The following GALNT17 variants were observed in gnomAD, a reference collection of about 807,000 sequenced individuals.
GALNT17 encodes UDP-GalNAc:polypeptide N-acetylgalactosaminyltransferase-like 3.
GALNT17 carries 29 observed loss-of-function variants against 63.7 expected under a neutral mutation model. The ratio of observed to expected loss-of-function variants is 0.46; its 90% CI spans 0.34 to 0.62. The LOEUF (loss-of-function observed/expected upper bound fraction) is 0.62, where lower values mean the gene tolerates loss of function less well. Among genes scored for constraint, GALNT17 ranks in the 20% least tolerant of loss-of-function variants. The probability of loss-of-function intolerance (pLI) is 0.01; values close to 1 mark genes in which losing one functional copy is unlikely to be tolerated. For missense variants in GALNT17, 603 were observed against 799.6 expected (o/e 0.75, Z 2.97); for synonymous variants, 305 against 318.3 (o/e 0.96, Z 0.45).
chr7:71,441,167 C>T (rs1224776513), intron 5 of GALNT17, among the ~76,000 whole-genome samples: 3 of 152,010 alleles, frequency 2.0e-5, no homozygotes, highest in South Asian at 2.1e-4. Flanking sequence ...GGACTATAGG[C>T]GCCCGCCACC....
rs764424357 is a variant in GALNT17 at position 71,472,515 on chromosome 7, C to T, written c.962+51410C>T. ...CATACTGGCCAACATGGTGAAACCCCGTGTCTACTAAAATAAAAAAATTAG... is the reference window on the plus strand; with the variant it reads ...CATACTGGCCAACATGGTGAAACCCTGTGTCTACTAAAATAAAAAAATTAG... On this transcript the variant is annotated intron_variant, in intron 5 of 10. Transcript: ENST00000333538. Among the ~76,000 whole-genome samples, 5 of 151,856 alleles carry T rather than the reference C, an allele frequency of 3.3e-5. 1 individual carries two copies. The highest frequency in any genetic ancestry group is 4.1e-4 in the South Asian group (2 of 4,820).
intron 5 of GALNT17, among the ~76,000 whole-genome samples, chr7:71,533,686 T>G (rs1788755900): frequency 6.6e-6 from 1 of 152,224 alleles, no homozygotes; most frequent in African/African-American, 2.4e-5. Flanking sequence ...TCTTTGCATG[T>G]GCTGCTGAAT....
At chr7:71,352,127 C>T (rs1471143372) in intron 2 of GALNT17, among the ~76,000 whole-genome samples, 15 of 152,038 alleles carry the variant, frequency 9.9e-5, no homozygotes, top group Admixed American at 6.6e-5. Flanking sequence ...GGTCAGTTTC[C>T]CCCATACTGT....
chr7:71,510,942 G>T (rs971097151), intron 5 of GALNT17, among the ~76,000 whole-genome samples: 2 of 152,076 alleles, frequency 1.3e-5, no homozygotes, highest in Non-Finnish European at 2.9e-5. Context: ...GGAGGCCGAG[G>T]CAGAAGGATC....
chr7:71,357,719 C>T (rs1349106813), intron 2 of GALNT17, among the ~76,000 whole-genome samples: 1 of 152,084 alleles, frequency 6.6e-6, no homozygotes, highest in Non-Finnish European at 1.5e-5. Flanking sequence ...CCAGCCTGGC[C>T]AACATGGTGA....
intron 1 of GALNT17, among the ~76,000 whole-genome samples, chr7:71,326,205 C>G (rs1179325001): frequency 6.6e-6 from 1 of 152,144 alleles, no homozygotes; most frequent in Non-Finnish European, 1.5e-5. Context: ...TGCCTGTAAT[C>G]CCAGTACTTT....
intron 5 of GALNT17, among the ~76,000 whole-genome samples, chr7:71,543,037 T>TTAA (rs373690955): frequency 7.6e-6 from 1 of 130,774 alleles, no homozygotes. Flanking sequence ...TGACCTTTGT[T>TTAA]AAAAAAAAAA....
At position 71,242,261 on chromosome 7, in the gene GALNT17, T is replaced by A. The variant is rs1182788322; in HGVS notation, c.239-93289T>A. Among the ~76,000 whole-genome samples the A allele has an allele frequency of 5.3e-5, 7 of 132,532 alleles. No homozygotes were observed. The East Asian group carries it at 1.2e-3, about 22-fold the overall frequency. 86.9% of individuals were successfully genotyped at this position (132,532 alleles called of 152,430 possible). ...TCACATTTCTTTTTTTTTTTTTTTC[T>A]TTTTCTTTTTCTTTTTTTTTTTTTT... On this transcript the variant is annotated intron_variant, in intron 1 of 10. Coordinates refer to ENST00000333538, the MANE Select transcript of GALNT17 (RefSeq NM_022479.3).
chr7:71,538,753 C>G (rs140221273), intron 5 of GALNT17, among the ~76,000 whole-genome samples: 1 of 151,796 alleles, frequency 6.6e-6, no homozygotes, highest in African/African-American at 2.4e-5. Flanking sequence ...CCTTGGAACT[C>G]TTATGTCCTC....
At chr7:71,587,806 A>G (rs1789741248) in intron 6 of GALNT17, among the ~76,000 whole-genome samples, 1 of 152,234 alleles carries the variant, frequency 6.6e-6, no homozygotes, top group South Asian at 2.1e-4. Context: ...GCCAAGCCAC[A>G]TGCCGGGAAA....
intron 2 of GALNT17, among the ~76,000 whole-genome samples, chr7:71,374,834 ATTTT>A (rs71089940): frequency 0.013 from 1,441 of 109,604 alleles, 14 homozygotes; most frequent in Middle Eastern, 0.043. Context: ...CTTGAGGAGG[ATTTT>A]TTTTTTTTTT....
rs1203365520 is a variant in GALNT17, at chr7:71,282,739, G to GT, written c.239-52808dup. ...TGTCTGCTTCTATGGGGAGGGTCAG[G>GT]TTTCAGGTGAAGCAGATATGGTAGG... On this transcript the variant is annotated intron_variant, in intron 1 of 10. Transcript: ENST00000333538. Among the ~76,000 whole-genome samples the GT allele has an allele frequency of 1.6e-4, 25 of 151,942 alleles. No homozygotes were observed. In the East Asian group the frequency reaches 4.9e-3, roughly 30 times the overall value.
rs386410414 is a variant in GALNT17, at chr7:71,484,797, A to ATTTTTT, written c.962+63707_962+63712dup. 2.9e-4 allele frequency among the ~76,000 whole-genome samples: 31 copies of ATTTTTT among 107,338 alleles called. 1 individual carries two copies. Among genetic ancestry groups the ATTTTTT allele is most frequent in the East Asian group, 1.7e-3 (6 of 3,576 alleles). The allele number at this position is 107,338 out of a possible 152,430, so 70.4% of individuals were successfully genotyped here. A position where few individuals can be genotyped will look rare whatever the true frequency, so the allele number is the denominator to read the frequency against. On this transcript the variant is annotated intron_variant, in intron 5 of 10. Transcript: ENST00000333538. ...GATACACTGGGAACCCAGCATCAGG[A>ATTTTTT]TTTTTTTTTTTTTTTTTTTTGACAG...
At chr7:71,140,771 C>T (rs552384698) in intron 1 of GALNT17, among the ~76,000 whole-genome samples, 1 of 152,308 alleles carries the variant, frequency 6.6e-6, no homozygotes, top group East Asian at 1.9e-4. Flanking sequence ...CCTGTAATCC[C>T]AGCACTTTGG....
At chr7:71,613,498 A>G (rs1355506157) in intron 6 of GALNT17, among the ~76,000 whole-genome samples, 1 of 152,210 alleles carries the variant, frequency 6.6e-6, no homozygotes, top group African/African-American at 2.4e-5. Context: ...CAGACGTTTC[A>G]GCCAAATCCT....
At chr7:71,366,784 A>T (rs1372169690) in intron 2 of GALNT17, among the ~76,000 whole-genome samples, 1 of 152,170 alleles carries the variant, frequency 6.6e-6, no homozygotes, top group Non-Finnish European at 1.5e-5. Context: ...ATGTCACCCA[A>T]CAGTACATGA....
chr7:71,447,089 T>G (rs1787174909), intron 5 of GALNT17, among the ~76,000 whole-genome samples: 2 of 152,180 alleles, frequency 1.3e-5, no homozygotes, highest in South Asian at 4.1e-4. Context: ...TTCTCAACAC[T>G]GGGTTTCCTA....
intron 5 of GALNT17, among the ~76,000 whole-genome samples, chr7:71,445,381 T>C (rs902947129): frequency 2.0e-5 from 3 of 151,004 alleles, no homozygotes; most frequent in African/African-American, 7.3e-5. Flanking sequence ...TTTTTAAGTG[T>C]AGATGGGGTT....
intron 1 of GALNT17, among the ~76,000 whole-genome samples, chr7:71,192,914 T>A (rs537010013): frequency 1.3e-5 from 2 of 152,152 alleles, no homozygotes; most frequent in East Asian, 3.9e-4. Context: ...ATGTGTTGCC[T>A]TTATTTCTGC....
Sources: gnomAD v4.1 joint callset for allele counts (sites outside exome capture counted in the v4.1 genomes callset) on GRCh38, gnomAD v4.1.1 for gene constraint, MANE v1.5 for transcripts, NCBI Gene and HGNC (gene_info 2026-07-23, HGNC 2026-07-21) for gene names.